The following PAPPA variants were observed in gnomAD, a reference collection of about 807,000 sequenced individuals.
PAPPA encodes pappalysin 1, also known as pappalysin-1.
Under a neutral mutation model 164.0 loss-of-function variants are expected in PAPPA, and 60 were observed. The ratio of observed to expected loss-of-function variants is 0.37; its 90% CI spans 0.30 to 0.45. The LOEUF is 0.45. Ranked by LOEUF, PAPPA falls within the 20% of genes least tolerant of loss-of-function variation. The probability of loss-of-function intolerance (pLI) is 1.00; values close to 1 mark genes in which losing one functional copy is unlikely to be tolerated. For synonymous variants in PAPPA, 875 were observed against 814.1 expected (o/e 1.07, Z -1.27); for missense variants, 1,782 against 2,087.3 (o/e 0.85, Z 2.85).
At chr9:116,354,204 G>A (rs1470713134) in intron 17 of PAPPA, among the ~76,000 whole-genome samples, 1 of 152,170 alleles carries the variant, frequency 6.6e-6, no homozygotes, top group Non-Finnish European at 1.5e-5. Context: ...GAGAAGTACA[G>A]TTTTGAGAAC....
At chr9:116,384,840 T>TAGA (rs1340828067) in intron 21 of PAPPA, among the ~76,000 whole-genome samples, 2 of 152,134 alleles carry the variant, frequency 1.3e-5, no homozygotes, top group African/African-American at 4.8e-5. Context: ...GTATTTGAAA[T>TAGA]AGAAGTTTTT....
chr9:116,167,980 T>C (rs1052498576), intron 1 of PAPPA, among the ~76,000 whole-genome samples: 12 of 152,226 alleles, frequency 7.9e-5, no homozygotes, highest in African/African-American at 2.9e-4. Context: ...AAATTGGCAG[T>C]AAAATTGAAA....
In PAPPA at chr9:116,339,447, A is replaced by T. The variant is rs530775808; in HGVS notation, c.3611+4373A>T. On this transcript the variant is annotated intron_variant, in intron 13 of 21. Coordinates refer to ENST00000328252, the MANE Select transcript of PAPPA (RefSeq NM_002581.5). ...ACTTGCCTCCATACCACACCACAATACACTGGCGCCTAGAAATCCAGGGTA... is the reference window on the plus strand; with the variant it reads ...ACTTGCCTCCATACCACACCACAATTCACTGGCGCCTAGAAATCCAGGGTA... 5.9e-5 allele frequency among the ~76,000 whole-genome samples: 9 copies of T among 152,118 alleles called. No homozygotes were observed. The South Asian group carries it at 1.9e-3, about 32-fold the overall frequency.
At chr9:116,252,227 A>G (rs1196934211) in intron 7 of PAPPA, among the ~76,000 whole-genome samples, 2 of 152,222 alleles carry the variant, frequency 1.3e-5, no homozygotes, top group African/African-American at 4.8e-5. Flanking sequence ...TGTCGTTGCC[A>G]GTAGGAAAAG....
intron 9 of PAPPA, among the ~76,000 whole-genome samples, chr9:116,282,875 A>G (rs1168617292): frequency 6.6e-6 from 1 of 152,242 alleles, no homozygotes; most frequent in Non-Finnish European, 1.5e-5. Flanking sequence ...ACAGATCATT[A>G]AATACTTAAC....
At chr9:116,246,551 C>A (rs1428216558) in intron 7 of PAPPA, among the ~76,000 whole-genome samples, 1 of 152,152 alleles carries the variant, frequency 6.6e-6, no homozygotes. Context: ...AGGTGAGATT[C>A]TTAGCCACTT....
At chr9:116,220,562 C>T (rs201087678) in intron 5 of PAPPA, among the ~76,000 whole-genome samples, 3 of 149,734 alleles carry the variant, frequency 2.0e-5, no homozygotes, top group Non-Finnish European at 4.4e-5. Flanking sequence ...ATGTGTGTCA[C>T]GTGTGTATAT....
At chr9:116,359,645 A>G (rs975755977) in intron 17 of PAPPA, among the ~76,000 whole-genome samples, 1 of 152,232 alleles carries the variant, frequency 6.6e-6, no homozygotes. Flanking sequence ...ATGCACTAGC[A>G]TCTAGTCTTA....
In PAPPA at chr9:116,398,663, G is replaced by A. The variant is rs924997949; in HGVS notation, c.*2047G>A. 2 of 565,750 alleles carry A rather than the reference G, an allele frequency of 3.5e-6. No homozygotes were observed. Among genetic ancestry groups the A allele is most frequent in the African/African-American group, 3.8e-5 (2 of 52,164 alleles). The allele number at this position is 565,750 out of a possible 1,614,324, so 35.0% of individuals were successfully genotyped here. ...AGGTGCCCACAAATACGGATGCAGTGCTGAGATAGTTTATGAGACTTGTAC... is the reference window on the plus strand; with the variant it reads ...AGGTGCCCACAAATACGGATGCAGTACTGAGATAGTTTATGAGACTTGTAC... On this transcript the variant is annotated 3_prime_UTR_variant, in exon 22 of 22. Transcript: ENST00000328252.
rs147431867 is a variant in PAPPA, at chr9:116,207,125, AG to A, written c.1479-330del. Among the ~76,000 whole-genome samples the A allele has an allele frequency of 6.6e-3, 1,007 of 152,276 alleles. 36 individuals are homozygous for A. In the East Asian group the frequency reaches 0.11, roughly 16 times the overall value. On this transcript the variant is annotated intron_variant, in intron 2 of 21. Coordinates refer to ENST00000328252, the MANE Select transcript of PAPPA (RefSeq NM_002581.5). ...GAACTCCTTGGGAGAGACAGCATTAAGAAAAAGGAAAACATTGCTAAGTAGC... is the reference window on the plus strand; with the variant it reads ...GAACTCCTTGGGAGAGACAGCATTAAAAAAAGGAAAACATTGCTAAGTAGC...
At chr9:116,232,727 C>T (rs10983083) in intron 6 of PAPPA, among the ~76,000 whole-genome samples, 1,903 of 152,322 alleles carry the variant, frequency 0.012, 18 homozygotes, top group Non-Finnish European at 0.019. Context: ...GTTATGGTTA[C>T]ACTTGGTGCC....
At chr9:116,234,612 T>G (rs1844637163) in intron 6 of PAPPA, among the ~76,000 whole-genome samples, 1 of 152,140 alleles carries the variant, frequency 6.6e-6, no homozygotes, top group Non-Finnish European at 1.5e-5. Context: ...TATTCTACTG[T>G]CCCCTGCATC....
chr9:116,274,971 C>T lies in PAPPA; in HGVS notation c.2953+3555C>T, dbSNP rs1203753243. ...CACATCCATACCAGCCTCCTAAGTA[C>T]CAGGGAAGGCATCTAGCATCAAAGC... On this transcript the variant is annotated intron_variant, in intron 9 of 21. Coordinates refer to ENST00000328252, the MANE Select transcript of PAPPA (RefSeq NM_002581.5). 9.2e-5 allele frequency among the ~76,000 whole-genome samples: 14 copies of T among 152,236 alleles called. No individual in the cohort carries two copies. In the South Asian group the frequency reaches 2.9e-3, roughly 32 times the overall value.
At chr9:116,340,070 A>C (rs1038315254) in intron 13 of PAPPA, among the ~76,000 whole-genome samples, 1 of 152,226 alleles carries the variant, frequency 6.6e-6, no homozygotes, top group Non-Finnish European at 1.5e-5. Context: ...AATTACCTGC[A>C]TTCTTTCCCG....
chr9:116,241,645 G>C (rs1042826951), intron 7 of PAPPA, among the ~76,000 whole-genome samples: 2 of 152,178 alleles, frequency 1.3e-5, no homozygotes, highest in African/African-American at 4.8e-5. Flanking sequence ...GGGGCTCCAT[G>C]GATACTTGTT....
intron 1 of PAPPA, among the ~76,000 whole-genome samples, chr9:116,186,726 A>T (rs900128951): frequency 6.6e-6 from 1 of 152,162 alleles, no homozygotes; most frequent in Non-Finnish European, 1.5e-5. Flanking sequence ...ACTATATTAC[A>T]CTTAAAATAC....
intron 15 of PAPPA, among the ~76,000 whole-genome samples, chr9:116,351,736 T>A (rs1846284925): frequency 6.6e-6 from 1 of 152,128 alleles, no homozygotes; most frequent in Non-Finnish European, 1.5e-5. Flanking sequence ...CTGTTTATAG[T>A]GAGAATAAAT....
intron 21 of PAPPA, among the ~76,000 whole-genome samples, chr9:116,384,652 A>G: frequency 6.6e-6 from 1 of 152,170 alleles, no homozygotes; most frequent in East Asian, 1.9e-4. Context: ...CACATAAAAT[A>G]CTTTTATAGC....
chr9:116,342,436 A>G (rs1403739662), intron 13 of PAPPA, among the ~76,000 whole-genome samples: 1 of 152,194 alleles, frequency 6.6e-6, no homozygotes, highest in Admixed American at 6.5e-5. Flanking sequence ...GGAGAACTGC[A>G]AAGCTCCCAT....
Sources: allele counts gnomAD v4.1 joint callset (sites outside exome capture counted in the v4.1 genomes callset), GRCh38; gene constraint gnomAD v4.1.1; transcripts MANE v1.5; gene names NCBI Gene and HGNC (gene_info 2026-07-23, HGNC 2026-07-21).